ESRRG: variants seen among roughly 807,000 people sequenced by gnomAD.
ESRRG encodes the protein estrogen related receptor gamma.
In ESRRG, 13 loss-of-function variants were observed where a neutral mutation model predicts 44.0. That is an observed-to-expected ratio of 0.30 (90% CI 0.19 to 0.47). The LOEUF (loss-of-function observed/expected upper bound fraction) is 0.47, where lower values mean the gene tolerates loss of function less well. Among genes scored for constraint, ESRRG ranks in the 20% least tolerant of loss-of-function variants. ESRRG has a pLI of 1.00. For missense variants in ESRRG, 395 were observed against 580.6 expected (o/e 0.68, Z 3.29); for synonymous variants, 215 against 214.6 (o/e 1.00, Z -0.02).
intron 1 of ESRRG, among the ~76,000 whole-genome samples, chr1:216,941,573 T>A (rs979038948): frequency 1.3e-4 from 20 of 152,070 alleles, no homozygotes; most frequent in African/African-American, 4.8e-4. Context: ...GGAGATTCGG[T>A]TTGTGGGCGA....
chr1:216,849,829 C>G (rs1446242623), intron 2 of ESRRG, among the ~76,000 whole-genome samples: 1 of 152,092 alleles, frequency 6.6e-6, no homozygotes, highest in African/African-American at 2.4e-5. Flanking sequence ...ATTGAGCCAT[C>G]TATACTACAG....
chr1:216,709,343 G>GTGTA (rs377260365), intron 1 of ESRRG, among the ~76,000 whole-genome samples: 2,161 of 145,370 alleles, frequency 0.015, 47 homozygotes, highest in African/African-American at 0.048. Context: ...GTGTGTGTGT[G>GTGTA]TATATATATA....
At chr1:216,818,096 G>C (rs1031378547) in intron 2 of ESRRG, among the ~76,000 whole-genome samples, 2 of 151,948 alleles carry the variant, frequency 1.3e-5, no homozygotes, top group Non-Finnish European at 2.9e-5. Flanking sequence ...CACCTCAAAT[G>C]AAACAATAGC....
intron 2 of ESRRG, among the ~76,000 whole-genome samples, chr1:216,753,126 C>T (rs1467394000): frequency 6.6e-6 from 1 of 150,696 alleles, no homozygotes; most frequent in Non-Finnish European, 1.5e-5. Context: ...TACCAATTAA[C>T]ATGGGCAAAT....
intron 1 of ESRRG, among the ~76,000 whole-genome samples, chr1:217,087,487 A>G (rs1044437578): frequency 6.6e-6 from 1 of 152,190 alleles, no homozygotes; most frequent in African/African-American, 2.4e-5. Context: ...AGCAGCACAC[A>G]CGGAAACCTA....
At chr1:216,913,241 T>C (rs753971874) in intron 2 of ESRRG, among the ~76,000 whole-genome samples, 3 of 152,082 alleles carry the variant, frequency 2.0e-5, no homozygotes, top group Non-Finnish European at 4.4e-5. Context: ...ACTAATACAT[T>C]ATAGCAACTA....
At chr1:216,564,083 A>T (rs947085447) in intron 5 of ESRRG, 136 bp downstream of exon 5, 8 of 494,362 alleles carry the variant, frequency 1.6e-5, no homozygotes, top group Non-Finnish European at 2.8e-5. Flanking sequence ...GCAAAACTCT[A>T]AATTATGATT....
chr1:217,011,713 T>C (rs148479525), intron 1 of ESRRG, among the ~76,000 whole-genome samples: 3 of 152,224 alleles, frequency 2.0e-5, no homozygotes, highest in East Asian at 3.9e-4. Flanking sequence ...TCATATCTAG[T>C]TCCTAATCTA....
intron 1 of ESRRG, among the ~76,000 whole-genome samples, chr1:217,011,923 C>A (rs17686866): frequency 0.16 from 23,953 of 152,092 alleles, 2,463 homozygotes; most frequent in Admixed American, 0.22. Flanking sequence ...TTTCACTTTT[C>A]TTCGTGCTAG....
chr1:216,828,642 A>G (rs1559789150), intron 2 of ESRRG, among the ~76,000 whole-genome samples: 2 of 152,212 alleles, frequency 1.3e-5, no homozygotes, highest in Non-Finnish European at 2.9e-5. Context: ...ATTTTCTACA[A>G]GTAGAAAACT....
At chr1:216,718,281 C>T (rs2085347250) in intron 1 of ESRRG, among the ~76,000 whole-genome samples, 1 of 151,838 alleles carries the variant, frequency 6.6e-6, no homozygotes, top group Non-Finnish European at 1.5e-5. Context: ...TAGCAGCATA[C>T]CTATAATCTA....
At chr1:216,525,603 A>C (rs552102399) in intron 5 of ESRRG, among the ~76,000 whole-genome samples, 15 of 152,200 alleles carry the variant, frequency 9.9e-5, no homozygotes, top group Non-Finnish European at 1.8e-4. Context: ...CCTGGAAAGC[A>C]GACTGACTGA....
intron 2 of ESRRG, among the ~76,000 whole-genome samples, chr1:216,742,518 C>T (rs2090879345): frequency 6.6e-6 from 1 of 152,030 alleles, no homozygotes. Flanking sequence ...TTGTATGCAA[C>T]AACTGACTAG....
chr1:217,096,387 C>G (rs2092423150), intron 1 of ESRRG, among the ~76,000 whole-genome samples: 3 of 152,194 alleles, frequency 2.0e-5, no homozygotes, highest in Non-Finnish European at 4.4e-5. Flanking sequence ...GTTGCTGAAC[C>G]AGCAGAGGAA....
intron 1 of ESRRG, among the ~76,000 whole-genome samples, chr1:216,692,639 G>A (rs2079281707): frequency 6.6e-6 from 1 of 152,116 alleles, no homozygotes; most frequent in Non-Finnish European, 1.5e-5. Flanking sequence ...ATACAGTAAT[G>A]TCCTAGGCCT....
intron 2 of ESRRG, among the ~76,000 whole-genome samples, chr1:216,662,758 C>T (rs1237351883): frequency 6.6e-6 from 1 of 152,102 alleles, no homozygotes; most frequent in Non-Finnish European, 1.5e-5. Context: ...TTTGAAAGGG[C>T]CAGATTGTAC....
chr1:217,020,096 C>T (rs143675432), intron 1 of ESRRG, among the ~76,000 whole-genome samples: 304 of 152,260 alleles, frequency 2.0e-3, no homozygotes, highest in Non-Finnish European at 3.4e-3. Context: ...CCCTTTCCTC[C>T]TCTTCCCTGA....
chr1:216,558,438 G>C (rs1033129018), intron 5 of ESRRG, among the ~76,000 whole-genome samples: 4 of 152,016 alleles, frequency 2.6e-5, no homozygotes, highest in Non-Finnish European at 5.9e-5. Context: ...GGTTAAATAA[G>C]CTTTTCTCCC....
At chr1:216,879,914 T>TTTGTGAAC (rs2096416099) in intron 2 of ESRRG, among the ~76,000 whole-genome samples, 1 of 152,182 alleles carries the variant, frequency 6.6e-6, no homozygotes, top group Admixed American at 6.5e-5. Flanking sequence ...GTCCTGAACT[T>TTTGTGAAC]TATATTTGTG....
Sources: gnomAD v4.1 joint callset for allele counts (sites outside exome capture counted in the v4.1 genomes callset) on GRCh38, gnomAD v4.1.1 for gene constraint, MANE v1.5 for transcripts, NCBI Gene and HGNC (gene_info 2026-07-23, HGNC 2026-07-21) for gene names.